The following UBOX5 variants were observed in gnomAD, a reference collection of about 807,000 sequenced individuals.
UBOX5 encodes the protein RING finger protein 37.
In UBOX5, 28 loss-of-function variants were observed where a neutral mutation model predicts 39.0. That is an observed-to-expected ratio of 0.72 (90% confidence interval 0.53 to 0.98). UBOX5 has a LOEUF of 0.98. Among genes scored for constraint, UBOX5 ranks in the 50% least tolerant of loss-of-function variants. The probability of loss-of-function intolerance (pLI) is 0.00; values close to 1 mark genes in which losing one functional copy is unlikely to be tolerated. For missense variants in UBOX5, 585 were observed against 674.4 expected (o/e 0.87, Z 1.47); for synonymous variants, 283 against 275.5 (o/e 1.03, Z -0.27).
chr20:3,156,473 G>A (rs1159522913), intron 1 of UBOX5, among the ~76,000 whole-genome samples: 1 of 152,012 alleles, frequency 6.6e-6, no homozygotes, highest in African/African-American at 2.4e-5. Context: ...CACCACGCCC[G>A]GCCTGACTCT....
chr20:3,153,611 C>T (rs560036371), intron 1 of UBOX5, among the ~76,000 whole-genome samples: 2 of 152,064 alleles, frequency 1.3e-5, no homozygotes, highest in Non-Finnish European at 2.9e-5. Flanking sequence ...GGGGGCAGTA[C>T]GGGGTGGGAT....
chr20:3,115,607 C>T (rs937763388), intron 3 of UBOX5, 141 bp from the exon 4 acceptor site: 32 of 966,346 alleles, frequency 3.3e-5, no homozygotes, highest in Non-Finnish European at 4.2e-5. Context: ...TGTCTACTGG[C>T]GGACCATGAC....
At chr20:3,154,820 G>A (rs182092713) in intron 1 of UBOX5, among the ~76,000 whole-genome samples, 1 of 152,054 alleles carries the variant, frequency 6.6e-6, no homozygotes, top group East Asian at 1.9e-4. Context: ...ATATTGGGAG[G>A]ATAAAGTGAG....
At chr20:3,158,032 C>T (rs547943856) in intron 1 of UBOX5, among the ~76,000 whole-genome samples, 1 of 152,248 alleles carries the variant, frequency 6.6e-6, no homozygotes, top group Admixed American at 6.5e-5. Context: ...GAGGATCGCT[C>T]AAGGATCTCA....
rs2066529770 is a variant in UBOX5 at position 3,142,887 on chromosome 20, T to C, written c.-42+16879A>G. Reference sequence around the variant, plus strand: ...CAAAGATGCCTACTTTCATTGTTTGTATTCGATATCTTATTAGAAGTTCCA... The same window carrying C: ...CAAAGATGCCTACTTTCATTGTTTGCATTCGATATCTTATTAGAAGTTCCA... On this transcript the variant is annotated intron_variant, in intron 1 of 4. Transcript: ENST00000217173. Among the ~76,000 whole-genome samples, 5 of 151,544 alleles carry C rather than the reference T, an allele frequency of 3.3e-5. No individual in the cohort carries two copies. The South Asian group carries it at 1.0e-3, about 31-fold the overall frequency.
At chr20:3,136,375 A>G (rs559893184) in intron 1 of UBOX5, among the ~76,000 whole-genome samples, 1 of 149,442 alleles carries the variant, frequency 6.7e-6, no homozygotes, top group South Asian at 2.1e-4. Context: ...TTTTTTTGAG[A>G]CAGAGTCTCT....
chr20:3,128,836 C>CTG (rs2148602166), intron 1 of UBOX5, among the ~76,000 whole-genome samples: 1 of 152,236 alleles, frequency 6.6e-6, no homozygotes, highest in Admixed American at 6.5e-5. Flanking sequence ...GTACTCCAGC[C>CTG]TGAGTGACAG....
intron 4 of UBOX5, 63 bp downstream of exon 4, chr20:3,115,242 T>C (rs1001933643): frequency 1.6e-5 from 25 of 1,538,634 alleles, no homozygotes; most frequent in Non-Finnish European, 2.2e-5. Flanking sequence ...CGGCCCAGCA[T>C]CCAGAGACAG....
chr20:3,138,966 A>C (rs2066493771), intron 1 of UBOX5, among the ~76,000 whole-genome samples: 1 of 152,174 alleles, frequency 6.6e-6, no homozygotes, highest in Non-Finnish European at 1.5e-5. Context: ...ACTAGACTCA[A>C]ACAGGTTACA....
At chr20:3,143,518 GGGTACAGT>G (rs1295873943) in intron 1 of UBOX5, among the ~76,000 whole-genome samples, 3 of 152,036 alleles carry the variant, frequency 2.0e-5, no homozygotes, top group African/African-American at 7.2e-5. Context: ...GTTAACATCG[GGGTACAGT>G]GGCTCACACC....
intron 1 of UBOX5, among the ~76,000 whole-genome samples, chr20:3,154,956 G>A (rs1388677747): frequency 6.6e-6 from 1 of 150,860 alleles, no homozygotes; most frequent in Non-Finnish European, 1.5e-5. Flanking sequence ...GGGAGGCTGA[G>A]GCAGGAGGAT....
At chr20:3,129,828 G>A (rs547035422) in intron 1 of UBOX5, among the ~76,000 whole-genome samples, 13 of 152,124 alleles carry the variant, frequency 8.5e-5, no homozygotes, top group East Asian at 1.9e-4. Context: ...AGAAAGCTCC[G>A]AATAAAATCT....
intron 3 of UBOX5, among the ~76,000 whole-genome samples, chr20:3,117,774 C>G (rs62206126): frequency 0.027 from 4,173 of 151,978 alleles, 86 homozygotes; most frequent in Non-Finnish European, 0.046. Flanking sequence ...GGCAGATCAC[C>G]TGAGGTCAGG....
chr20:3,116,417 G>A (rs2066294142), intron 3 of UBOX5: 1 of 152,326 alleles, frequency 6.6e-6, no homozygotes, highest in Non-Finnish European at 1.5e-5. Flanking sequence ...AGACCCCAGG[G>A]ACCTGTGTGG....
At chr20:3,117,561 G>A (rs1257189083) in intron 3 of UBOX5, among the ~76,000 whole-genome samples, 1 of 152,178 alleles carries the variant, frequency 6.6e-6, no homozygotes, top group Non-Finnish European at 1.5e-5. Context: ...GCATGTGCCT[G>A]TAGTCCCAGC....
At chr20:3,134,043 C>T (rs1568476061) in intron 1 of UBOX5, among the ~76,000 whole-genome samples, 1 of 152,024 alleles carries the variant, frequency 6.6e-6, no homozygotes, top group Non-Finnish European at 1.5e-5. Flanking sequence ...AGGTGTGAGC[C>T]ACCTTGCCCG....
chr20:3,147,519 C>T (rs754360558), intron 1 of UBOX5: 4 of 1,614,194 alleles, frequency 2.5e-6, no homozygotes, highest in Non-Finnish European at 3.4e-6. Flanking sequence ...ACTGTACCAT[C>T]GAGGGTATAT....
rs1247554560 is a variant in UBOX5 at position 3,108,111 on chromosome 20, CTTTT to C, written c.*1991_*1994del. ...GAAATGCTTTTGCTACATGCTGGGG[CTTTT>C]TTCTTTTTTTGAGAGGGAGTCTCAC... On this transcript the variant is annotated 3_prime_UTR_variant, in exon 5 of 5. Transcript: ENST00000217173. 1 of 152,286 alleles carries C rather than the reference CTTTT, an allele frequency of 6.6e-6. No homozygotes were observed. Among genetic ancestry groups the C allele is most frequent in the African/African-American group, 2.4e-5 (1 of 41,412 alleles). 9.4% of individuals were successfully genotyped at this position (152,286 alleles called of 1,614,324 possible).
chr20:3,115,141 G>A (rs933107645), intron 4 of UBOX5, among the ~76,000 whole-genome samples, 164 bp downstream of exon 4: 2 of 152,138 alleles, frequency 1.3e-5, no homozygotes, highest in African/African-American at 4.8e-5. Context: ...AACTACCCCT[G>A]GAAAAGGCAA....
Sources: allele counts gnomAD v4.1 joint callset (sites outside exome capture counted in the v4.1 genomes callset), GRCh38; gene constraint gnomAD v4.1.1; transcripts MANE v1.5; gene names NCBI Gene and HGNC (gene_info 2026-07-23, HGNC 2026-07-21).